Variants in HPSE2 observed in about 807,000 individuals in gnomAD.
HPSE2 encodes the protein inactive heparanase-2.
In HPSE2, 38 loss-of-function variants were observed where a neutral mutation model predicts 60.5. The observed-to-expected ratio is 0.63, with a 90% confidence interval of 0.48 to 0.82. HPSE2 has a LOEUF of 0.82. Ranked by LOEUF, HPSE2 falls within the 40% of genes least tolerant of loss-of-function variation. The pLI is 0.00. For synonymous variants in HPSE2, 295 were observed against 293.2 expected (o/e 1.01, Z -0.06); for missense variants, 713 against 740.4 (o/e 0.96, Z 0.43).
intron 3 of HPSE2, among the ~76,000 whole-genome samples, chr10:99,012,809 C>G (rs1349017248): frequency 2.0e-5 from 3 of 152,164 alleles, no homozygotes; most frequent in Non-Finnish European, 4.4e-5. Flanking sequence ...TTCAAAATGT[C>G]TTCCTCTCCC....
At chr10:98,859,142 C>T (rs1403463611) in intron 3 of HPSE2, among the ~76,000 whole-genome samples, 1 of 152,136 alleles carries the variant, frequency 6.6e-6, no homozygotes, top group Non-Finnish European at 1.5e-5. Flanking sequence ...TTTTCTACAT[C>T]CATTGATAAG....
chr10:98,720,274 G>A (rs981560529), intron 5 of HPSE2, among the ~76,000 whole-genome samples: 7 of 152,040 alleles, frequency 4.6e-5, no homozygotes, highest in Admixed American at 1.3e-4. Context: ...AATGGTTATT[G>A]CATTACTAAC....
chr10:99,158,356 G>A (rs371165505), intron 2 of HPSE2, among the ~76,000 whole-genome samples: 1 of 109,736 alleles, frequency 9.1e-6, no homozygotes, highest in African/African-American at 3.1e-5. Context: ...ACCAACCCAA[G>A]TGTCCAACAA....
At chr10:98,767,045 C>A in intron 3 of HPSE2, among the ~76,000 whole-genome samples, 1 of 152,244 alleles carries the variant, frequency 6.6e-6, no homozygotes, top group Non-Finnish European at 1.5e-5. Flanking sequence ...ATATATCCGA[C>A]AAAATTCAAC....
At chr10:98,629,601 T>C (rs1946307829) in intron 7 of HPSE2, among the ~76,000 whole-genome samples, 1 of 152,220 alleles carries the variant, frequency 6.6e-6, no homozygotes, top group Non-Finnish European at 1.5e-5. Context: ...TTCTGGATCT[T>C]GTCATTTGTT....
At chr10:98,952,289 G>A (rs1955379797) in intron 3 of HPSE2, among the ~76,000 whole-genome samples, 1 of 150,802 alleles carries the variant, frequency 6.6e-6, no homozygotes, top group Non-Finnish European at 1.5e-5. Flanking sequence ...CATTGAGGAA[G>A]GATTCCCCGC....
intron 3 of HPSE2, among the ~76,000 whole-genome samples, chr10:99,064,690 A>T (rs1564777446): frequency 6.6e-6 from 1 of 151,622 alleles, no homozygotes; most frequent in Non-Finnish European, 1.5e-5. Context: ...GCCAATTATT[A>T]AAAAAAAGCA....
chr10:98,586,242 A>T (rs896251574), intron 9 of HPSE2, among the ~76,000 whole-genome samples: 3 of 152,166 alleles, frequency 2.0e-5, no homozygotes, highest in African/African-American at 7.2e-5. Flanking sequence ...CTGTTTGCAG[A>T]TGCATCGTAT....
intron 4 of HPSE2, among the ~76,000 whole-genome samples, chr10:98,733,073 A>G (rs1354376710): frequency 6.6e-6 from 1 of 152,116 alleles, no homozygotes; most frequent in East Asian, 1.9e-4. Context: ...TTTAATATCT[A>G]TCTCTTCTAT....
chr10:98,459,750 G>C lies in HPSE2; in HGVS notation c.1614-11C>G. The C allele has an allele frequency of 6.2e-7, 1 of 1,611,024 alleles. No individual in the cohort carries two copies. Among genetic ancestry groups the C allele is most frequent in the South Asian group, 1.1e-5 (1 of 90,574 alleles). On this transcript the variant is annotated splice_polypyrimidine_tract_variant and intron_variant, in intron 11 of 11. Transcript: ENST00000370552. ...TTCAGTTGCACTGACCTACAGTGAG[G>C]AAAAACAGTATGGGACTCATTATTG... is the stretch of plus-strand genomic sequence containing the variant.
intron 3 of HPSE2, among the ~76,000 whole-genome samples, chr10:99,070,392 G>C (rs1842750488): frequency 1.3e-5 from 2 of 152,128 alleles, no homozygotes; most frequent in Admixed American, 6.5e-5. Flanking sequence ...TTAGTAAAAT[G>C]CAAATTAAAA....
chr10:98,575,150 A>C (rs1277652279), intron 9 of HPSE2, among the ~76,000 whole-genome samples: 2 of 152,186 alleles, frequency 1.3e-5, no homozygotes, highest in Non-Finnish European at 2.9e-5. Flanking sequence ...CAGTTTAAGC[A>C]ACCAATTATG....
At chr10:98,714,156 G>A (rs539415469) in intron 5 of HPSE2, among the ~76,000 whole-genome samples, 45 of 151,880 alleles carry the variant, frequency 3.0e-4, no homozygotes, top group African/African-American at 1.1e-3. Context: ...TTGGTGTATA[G>A]GAGCTTTATC....
chr10:98,954,306 C>G (rs1255022430), intron 3 of HPSE2, among the ~76,000 whole-genome samples: 1 of 149,626 alleles, frequency 6.7e-6, no homozygotes, highest in Non-Finnish European at 1.5e-5. Context: ...GACTCCATCT[C>G]AAAAAAAAGA....
rs1302529295 is a variant in HPSE2 at position 98,544,705 on chromosome 10, T to C, written c.1321-54509A>G. ...TCCAGCCTGGGCGACAGAGCGAGAC[T>C]CCGTCTCAAAAAAAAAAAAAAAAAA... On this transcript the variant is annotated intron_variant, in intron 9 of 11. Transcript: ENST00000370552. Among the ~76,000 whole-genome samples the C allele has an allele frequency of 1.0e-4, 8 of 78,386 alleles. No individual in the cohort carries two copies. The East Asian group carries it at 3.2e-3, about 31-fold the overall frequency. The allele number at this position is 78,386 out of a possible 152,430, so 51.4% of individuals were successfully genotyped here.
chr10:98,938,780 T>C (rs1286882160), intron 3 of HPSE2, among the ~76,000 whole-genome samples: 1 of 143,128 alleles, frequency 7.0e-6, no homozygotes, highest in Non-Finnish European at 1.5e-5. Flanking sequence ...AGACACATCA[T>C]TGTCAGATTC....
At chr10:99,294,760 CCT>C in the HPSE2 span, among the ~76,000 whole-genome samples, 7 of 151,864 alleles carry the variant, frequency 4.6e-5, no homozygotes. Flanking sequence ...ATAGTGCAAC[CCT>C]GTCTCTACTA....
intron 9 of HPSE2, among the ~76,000 whole-genome samples, chr10:98,600,750 C>A (rs1362353248): frequency 9.2e-6 from 1 of 108,408 alleles, no homozygotes; most frequent in Non-Finnish European, 2.2e-5. Context: ...TACATACACA[C>A]AAAAAAAATA....
intron 3 of HPSE2, among the ~76,000 whole-genome samples, chr10:99,089,103 C>T (rs1843426394): frequency 6.6e-6 from 1 of 152,098 alleles, no homozygotes. Flanking sequence ...GTATAGATTG[C>T]AAAGATTTTC....
Sources: allele counts gnomAD v4.1 joint callset (sites outside exome capture counted in the v4.1 genomes callset), GRCh38; gene constraint gnomAD v4.1.1; transcripts MANE v1.5; gene names NCBI Gene and HGNC (gene_info 2026-07-23, HGNC 2026-07-21).